The following TTC28 variants were observed in gnomAD, a reference collection of about 807,000 sequenced individuals.
TTC28 encodes tetratricopeptide repeat domain 28, also known as tetratricopeptide repeat protein 28.
Under a neutral mutation model 198.0 loss-of-function variants are expected in TTC28, and 61 were observed. That is an observed-to-expected ratio of 0.31 (90% CI 0.25 to 0.38). The LOEUF is 0.38. Ranked by LOEUF, TTC28 falls within the 10% of genes least tolerant of loss-of-function variation. The pLI is 1.00. For missense variants in TTC28, 2,678 were observed against 3,164.0 expected, an observed-to-expected ratio of 0.85 and a Z score of 3.69; for synonymous variants, 1,171 against 1,297.8, an observed-to-expected ratio of 0.90 and a Z score of 2.10.
chr22:28,534,731 C>G (rs990993618), intron 2 of TTC28, among the ~76,000 whole-genome samples: 2 of 152,060 alleles, frequency 1.3e-5, no homozygotes, highest in African/African-American at 2.4e-5. Flanking sequence ...TGCTAGGCAG[C>G]CATAAAAAAG....
intron 5 of TTC28, among the ~76,000 whole-genome samples, chr22:28,262,353 A>C (rs1931381399): frequency 6.6e-6 from 1 of 152,180 alleles, no homozygotes; most frequent in South Asian, 2.1e-4. Flanking sequence ...TGACTTTATA[A>C]ATTAGGCTTT....
At chr22:28,550,973 A>G (rs2049659847) in intron 2 of TTC28, among the ~76,000 whole-genome samples, 1 of 152,174 alleles carries the variant, frequency 6.6e-6, no homozygotes, top group Admixed American at 6.5e-5. Context: ...GACGGACATT[A>G]TATAATGATA....
intron 2 of TTC28, among the ~76,000 whole-genome samples, chr22:28,307,609 C>T (rs927652636): frequency 1.3e-5 from 2 of 152,062 alleles, no homozygotes; most frequent in African/African-American, 4.8e-5. Flanking sequence ...CAGAGTAAAA[C>T]CAAGCAGGTG....
intron 12 of TTC28, among the ~76,000 whole-genome samples, chr22:28,063,513 G>T (rs1940631140): frequency 1.3e-5 from 2 of 152,186 alleles, no homozygotes; most frequent in South Asian, 4.1e-4. Context: ...CCTTCAGGCG[G>T]TTGGTATTTC....
chr22:28,344,829 T>C (rs1033405479), intron 2 of TTC28, among the ~76,000 whole-genome samples: 1 of 152,140 alleles, frequency 6.6e-6, no homozygotes, highest in African/African-American at 2.4e-5. Flanking sequence ...CTTTGATTAA[T>C]AAGGAGTGAA....
chr22:28,497,764 ATAAG>A (rs2146359396), intron 2 of TTC28, among the ~76,000 whole-genome samples: 1 of 152,330 alleles, frequency 6.6e-6, no homozygotes, highest in African/African-American at 2.4e-5. Flanking sequence ...AAACTGAAAA[ATAAG>A]TAACATTATA....
chr22:28,041,233 T>C (rs1439645429), intron 12 of TTC28, among the ~76,000 whole-genome samples: 2 of 152,196 alleles, frequency 1.3e-5, no homozygotes, highest in Non-Finnish European at 2.9e-5. Context: ...AAAAAACTAC[T>C]TTAAAGTTCA....
intron 2 of TTC28, 126 bp downstream of exon 2, chr22:28,629,426 A>C (rs2051134059): frequency 3.1e-6 from 3 of 958,266 alleles, no homozygotes; most frequent in Non-Finnish European, 4.5e-6. Context: ...GTCATTTTAT[A>C]TTTTGCTGAA....
At chr22:28,462,408 T>C (rs965060059) in intron 2 of TTC28, among the ~76,000 whole-genome samples, 1 of 152,200 alleles carries the variant, frequency 6.6e-6, no homozygotes, top group Non-Finnish European at 1.5e-5. Context: ...AGAAAGAAGT[T>C]GTGGAACAGG....
rs569467649 is a variant in TTC28 at position 28,248,150 on chromosome 22, G to T, written c.933+48048C>A. On this transcript the variant is annotated intron_variant, in intron 5 of 22. Coordinates refer to ENST00000397906, the MANE Select transcript of TTC28 (RefSeq NM_001145418.2). Reference sequence around the variant, plus strand: ...CATTCAACTCTGCAGTAAGGCTGGGGACAGAGAGGGGTCTGAAGTGTCCCT... The same window carrying T: ...CATTCAACTCTGCAGTAAGGCTGGGTACAGAGAGGGGTCTGAAGTGTCCCT... 4.6e-5 allele frequency among the ~76,000 whole-genome samples: 7 copies of T among 152,330 alleles called. No homozygotes were observed. The South Asian group carries it at 1.4e-3, about 32-fold the overall frequency.
intron 2 of TTC28, among the ~76,000 whole-genome samples, chr22:28,430,974 CA>C (rs1265604522): frequency 1.3e-5 from 2 of 151,742 alleles, no homozygotes; most frequent in Non-Finnish European, 2.9e-5. Context: ...TGGTAAAAAT[CA>C]GCCTACCCTT....
intron 1 of TTC28, among the ~76,000 whole-genome samples, chr22:28,658,577 T>C (rs890023413): frequency 6.6e-6 from 1 of 152,224 alleles, no homozygotes; most frequent in African/African-American, 2.4e-5. Flanking sequence ...AGTTTCACTT[T>C]TACAAGATGA....
At chr22:28,196,675 AAC>A (rs1925374944) in intron 5 of TTC28, among the ~76,000 whole-genome samples, 1 of 152,140 alleles carries the variant, frequency 6.6e-6, no homozygotes, top group African/African-American at 2.4e-5. Flanking sequence ...GCAGCCAAAA[AAC>A]ACATGAAAAA....
intron 10 of TTC28, among the ~76,000 whole-genome samples, chr22:28,096,838 TC>T (rs1941993872): frequency 6.6e-6 from 1 of 150,972 alleles, no homozygotes; most frequent in African/African-American, 2.4e-5. Flanking sequence ...AGGGTCTCAC[TC>T]TGTCTCCCAG....
chr22:28,279,129 T>C (rs1209074631), intron 5 of TTC28, among the ~76,000 whole-genome samples: 3 of 152,194 alleles, frequency 2.0e-5, no homozygotes, highest in African/African-American at 7.2e-5. Flanking sequence ...AACTGTACAG[T>C]GAATAACATA....
rs549089717 is a variant in TTC28, at chr22:28,192,499, TG to T, written c.934-28901del. ...CACGATTGGTAATAACAAACTTCTC[TG>T]AACTAAAGGAGGATGTTCGAAGAAA... On this transcript the variant is annotated intron_variant, in intron 5 of 22. Transcript: ENST00000397906. Among the ~76,000 whole-genome samples the T allele has an allele frequency of 7.2e-4, 110 of 152,272 alleles. 1 individual carries two copies. Among genetic ancestry groups the T allele is most frequent in the African/African-American group, 2.2e-3 (92 of 41,556 alleles).
intron 2 of TTC28, among the ~76,000 whole-genome samples, chr22:28,437,000 A>AG: frequency 6.6e-6 from 1 of 152,386 alleles, no homozygotes; most frequent in South Asian, 2.1e-4. Context: ...GGCACCACTA[A>AG]GAATCCCTTT....
intron 3 of TTC28, among the ~76,000 whole-genome samples, chr22:28,298,495 T>A (rs1270417784): frequency 1.3e-5 from 2 of 152,130 alleles, no homozygotes. Flanking sequence ...TCACCCAGGC[T>A]GGAGTGCAGT....
chr22:28,218,988 G>C (rs778995446), intron 5 of TTC28, among the ~76,000 whole-genome samples: 2 of 151,692 alleles, frequency 1.3e-5, no homozygotes, highest in African/African-American at 4.8e-5. Flanking sequence ...TAATATCTTA[G>C]TATTATTATG....
Sources: allele counts gnomAD v4.1 joint callset (sites outside exome capture counted in the v4.1 genomes callset), GRCh38; gene constraint gnomAD v4.1.1; transcripts MANE v1.5; gene names NCBI Gene and HGNC (gene_info 2026-07-23, HGNC 2026-07-21).